HACL1: variants seen among roughly 807,000 people sequenced by gnomAD.
HACL1 encodes the protein 2-hydroxyacyl-CoA lyase 1, also known as 1600020H07Rik.
Under a neutral mutation model 74.2 loss-of-function variants are expected in HACL1, and 64 were observed. The ratio of observed to expected loss-of-function variants is 0.86; its 90% confidence interval spans 0.70 to 1.06. The LOEUF is 1.06. Ranked by LOEUF, HACL1 falls within the 50% of genes least tolerant of loss-of-function variation. HACL1 has a pLI of 0.00. For synonymous variants in HACL1, 230 were observed against 238.8 expected (o/e 0.96, Z 0.34); for missense variants, 728 against 719.7 (o/e 1.01, Z -0.13).
In HACL1 at chr3:15,571,684, T is replaced by C. The variant is rs377248920; in HGVS notation, c.1079A>G (p.Asn360Ser). Residue 360 changes from asparagine to serine, a missense_variant, in exon 12 of 17, where the codon AAT (asparagine) becomes AGT (serine). Physicochemically the swap from Asn to Ser is conservative, Grantham distance 46. Transcript: ENST00000321169. ...CGATTTTACCTTGGATGCAGCTTCA[T>C]TGCTCTTCATTTTTTCTCTCAGAGT... Reference protein sequence around the residue: ...WKTLREKMKSNEAASKELASK... With the variant: ...WKTLREKMKSSEAASKELASK... 2.9e-5 allele frequency: 42 copies of C among 1,460,122 alleles called. No homozygotes were observed. In the African/African-American group the frequency reaches 4.4e-4, roughly 15 times the overall value. The allele number at this position is 1,460,122 out of a possible 1,614,324, so 90.4% of individuals were successfully genotyped here.
At position 15,571,686 on chromosome 3, in the gene HACL1, G is replaced by T; in HGVS notation, c.1077C>A (p.Ser359Arg). The T allele has an allele frequency of 6.8e-7, 1 of 1,467,958 alleles. No individual in the cohort carries two copies. The allele number at this position is 1,467,958 out of a possible 1,614,324, so 90.9% of individuals were successfully genotyped here. ...ATTTTACCTTGGATGCAGCTTCATT[G>T]CTCTTCATTTTTTCTCTCAGAGTTT... is the stretch of plus-strand genomic sequence containing the variant. ...WWKTLREKMK[S>R]NEAASKELAS... Residue 359 changes from serine to arginine, a missense_variant, in exon 12 of 17, where the codon AGC (serine) becomes AGA (arginine). Physicochemically the swap from Ser to Arg is moderately radical, Grantham distance 110. Transcript: ENST00000321169.
At chr3:15,594,989 T>C (rs1033142437) in intron 3 of HACL1, among the ~76,000 whole-genome samples, 5 of 152,138 alleles carry the variant, frequency 3.3e-5, no homozygotes, top group African/African-American at 1.2e-4. Flanking sequence ...TAGCTGGGTG[T>C]GGTGGTGCAT....
At chr3:15,584,208 C>A (rs778487121) in intron 7 of HACL1, among the ~76,000 whole-genome samples, 1 of 151,946 alleles carries the variant, frequency 6.6e-6, no homozygotes, top group African/African-American at 2.4e-5. Context: ...CTGAGCTTAC[C>A]CTCCTCCCCT....
chr3:15,600,276 T>C (rs1574955718), intron 2 of HACL1, among the ~76,000 whole-genome samples: 1 of 152,204 alleles, frequency 6.6e-6, no homozygotes, highest in South Asian at 2.1e-4. Context: ...AGGCAGTTGT[T>C]TGGGCAAGAG....
chr3:15,587,035 G>T (rs2063807644), intron 5 of HACL1, among the ~76,000 whole-genome samples: 1 of 152,110 alleles, frequency 6.6e-6, no homozygotes, highest in Non-Finnish European at 1.5e-5. Context: ...TTACATTTCT[G>T]CCAGTGTTCC....
intron 3 of HACL1, 105 bp downstream of exon 3, chr3:15,596,279 T>C (rs2064061718): frequency 4.4e-6 from 3 of 685,420 alleles, no homozygotes; most frequent in African/African-American, 1.8e-5. Context: ...TTATTTAATA[T>C]ATTTTTCTAT....
At position 15,560,913 on chromosome 3, in the gene HACL1, A is replaced by G. The variant is rs952337493; in HGVS notation, c.1705-16T>C. The stretch of plus-strand genomic sequence containing the variant: ...AATGAAAATCCTAGAAAAAGAAGAC[A>G]ACAAACATTCAGTCAAAAGAAATGA... On this transcript the variant is annotated splice_polypyrimidine_tract_variant and intron_variant, in intron 16 of 16. Transcript: ENST00000321169. 4 of 1,585,412 alleles carry G rather than the reference A, an allele frequency of 2.5e-6. No individual in the cohort carries two copies. In the African/African-American group the frequency reaches 4.0e-5, roughly 16 times the overall value.
chr3:15,584,385 C>T (rs1456856356), intron 7 of HACL1, among the ~76,000 whole-genome samples: 1 of 152,076 alleles, frequency 6.6e-6, no homozygotes, highest in Non-Finnish European at 1.5e-5. Context: ...GTCAGGAGTT[C>T]GAGACCAGCC....
At chr3:15,578,088 A>C (rs1384835307) in intron 9 of HACL1, among the ~76,000 whole-genome samples, 1 of 129,736 alleles carries the variant, frequency 7.7e-6, no homozygotes, top group Non-Finnish European at 1.6e-5. Context: ...ACAGAGCAAG[A>C]CTCCGTCTCA....
At chr3:15,567,206 CTTTTTTTTTTTT>C (rs34317560) in intron 14 of HACL1, among the ~76,000 whole-genome samples, 1 of 81,082 alleles carries the variant, frequency 1.2e-5, no homozygotes, top group Non-Finnish European at 2.4e-5. Flanking sequence ...GCCATGCTGC[CTTTTTTTTTTTT>C]TTTTTTTTTT....
rs1269867492 is a variant in HACL1, at chr3:15,596,288, A to AT, written c.227+95dup. The AT allele has an allele frequency of 5.6e-6, 4 of 709,722 alleles. No individual in the cohort carries two copies. The East Asian group carries it at 1.1e-4, about 19-fold the overall frequency. The allele number at this position is 709,722 out of a possible 1,614,324, so 44.0% of individuals were successfully genotyped here. On this transcript the variant is annotated intron_variant, in intron 3 of 16. Coordinates refer to ENST00000321169, the MANE Select transcript of HACL1 (RefSeq NM_012260.4). ...CCTTTGTTATTTAATATATTTTTCTATAATCTTTCCAAATGAACTCATCCT... is the reference window on the plus strand; with the variant it reads ...CCTTTGTTATTTAATATATTTTTCTATTAATCTTTCCAAATGAACTCATCCT...
chr3:15,583,045 G>T (rs560101903), intron 7 of HACL1, 56 bp from the exon 8 acceptor site: 2 of 814,540 alleles, frequency 2.5e-6, no homozygotes, highest in Non-Finnish European at 4.1e-6. Flanking sequence ...TTTTTATTGT[G>T]AAAATTTCAA....
intron 2 of HACL1, among the ~76,000 whole-genome samples, chr3:15,597,863 A>C (rs1480623139): frequency 6.6e-6 from 1 of 152,142 alleles, no homozygotes; most frequent in Non-Finnish European, 1.5e-5. Context: ...CTTTATTTAG[A>C]CACCCAAAAG....
At chr3:15,590,284 T>C (rs1342603927) in intron 4 of HACL1, among the ~76,000 whole-genome samples, 4 of 151,764 alleles carry the variant, frequency 2.6e-5, no homozygotes, top group African/African-American at 7.3e-5. Flanking sequence ...TATTTAGAAA[T>C]TGCAAAATAA....
chr3:15,589,645 CA>C (rs1401951331), intron 4 of HACL1, 33 bp from the exon 5 acceptor site: 4 of 1,269,998 alleles, frequency 3.1e-6, no homozygotes, highest in Middle Eastern at 1.9e-4. Context: ...AAGATAATTA[CA>C]AATTAGATCA....
At chr3:15,590,012 G>A (rs1163563218) in intron 4 of HACL1, among the ~76,000 whole-genome samples, 7 of 151,968 alleles carry the variant, frequency 4.6e-5, no homozygotes, top group Non-Finnish European at 1.0e-4. Flanking sequence ...CCCAGCCTGG[G>A]CAACAGAGCA....
intron 2 of HACL1, among the ~76,000 whole-genome samples, chr3:15,597,890 T>C (rs1012800627): frequency 1.3e-5 from 2 of 152,294 alleles, no homozygotes; most frequent in African/African-American, 2.4e-5. Context: ...CCACTTATGA[T>C]AGCTAGGTAA....
intron 16 of HACL1, among the ~76,000 whole-genome samples, chr3:15,562,262 T>C (rs2063356830): frequency 6.6e-6 from 1 of 152,202 alleles, no homozygotes; most frequent in Non-Finnish European, 1.5e-5. Context: ...TAAAACAGTC[T>C]GCCTGCTTGC....
chr3:15,564,735 C>A, intron 14 of HACL1, 77 bp from the exon 15 acceptor site: 1 of 631,302 alleles, frequency 1.6e-6, no homozygotes, highest in South Asian at 2.1e-5. Flanking sequence ...GAAACTTTAA[C>A]TTAAAAATGA....
Sources: allele counts gnomAD v4.1 joint callset (sites outside exome capture counted in the v4.1 genomes callset), GRCh38; gene constraint gnomAD v4.1.1; transcripts MANE v1.5; gene names NCBI Gene and HGNC (gene_info 2026-07-23, HGNC 2026-07-21).